Variants in DTNA observed in about 807,000 individuals in gnomAD.
The protein encoded by DTNA is dystrobrevin alpha.
DTNA carries 43 observed loss-of-function variants against 100.7 expected under a neutral mutation model. The ratio of observed to expected loss-of-function variants is 0.43; its 90% CI spans 0.33 to 0.55. The LOEUF (loss-of-function observed/expected upper bound fraction) is 0.55, where lower values mean the gene tolerates loss of function less well. Among genes scored for constraint, DTNA ranks in the 20% least tolerant of loss-of-function variants. DTNA has a pLI of 0.04. For missense variants in DTNA, 798 were observed against 953.9 expected (o/e 0.84, Z 2.15); for synonymous variants, 349 against 347.9 (o/e 1.00, Z -0.04).
intron 10 of DTNA, chr18:34,829,003 A>AC: frequency 6.2e-7 from 1 of 1,612,976 alleles, no homozygotes; most frequent in Non-Finnish European, 8.5e-7. Flanking sequence ...GCAGAGGTAG[A>AC]CCCCATCCTT....
intron 1 of DTNA, among the ~76,000 whole-genome samples, chr18:34,724,104 T>C (rs1415562503): frequency 6.6e-6 from 1 of 152,218 alleles, no homozygotes; most frequent in Non-Finnish European, 1.5e-5. Flanking sequence ...TCTCACACTT[T>C]ATTGGTGGTG....
At chr18:34,648,506 G>T (rs533747605) in intron 1 of DTNA, among the ~76,000 whole-genome samples, 1 of 152,274 alleles carries the variant, frequency 6.6e-6, no homozygotes, top group Non-Finnish European at 1.5e-5. Context: ...AATACATTTT[G>T]TAGATAAAGG....
At chr18:34,610,502 G>T (rs1485002929) in intron 1 of DTNA, among the ~76,000 whole-genome samples, 1 of 152,130 alleles carries the variant, frequency 6.6e-6, no homozygotes, top group Non-Finnish European at 1.5e-5. Flanking sequence ...GTGGTATATT[G>T]TCAACTTATC....
intron 1 of DTNA, among the ~76,000 whole-genome samples, chr18:34,618,833 C>T (rs2055867844): frequency 6.6e-6 from 1 of 152,100 alleles, no homozygotes; most frequent in Non-Finnish European, 1.5e-5. Context: ...GATCATCAGC[C>T]ATGTACCAAT....
At chr18:34,539,719 G>A (rs935588593) in intron 1 of DTNA, among the ~76,000 whole-genome samples, 1 of 151,700 alleles carries the variant, frequency 6.6e-6, no homozygotes, top group Admixed American at 6.6e-5. Flanking sequence ...TTTAGGGTAG[G>A]GTGTTTAAAG....
chr18:34,551,482 AT>A (rs200651196), intron 1 of DTNA, among the ~76,000 whole-genome samples: 2 of 151,278 alleles, frequency 1.3e-5, no homozygotes, highest in African/African-American at 2.4e-5. Context: ...TTTATTGGAT[AT>A]TTTTTTTTGT....
intron 3 of DTNA, among the ~76,000 whole-genome samples, chr18:34,767,934 C>A (rs887571055): frequency 1.8e-4 from 28 of 152,184 alleles, no homozygotes; most frequent in Non-Finnish European, 1.5e-4. Flanking sequence ...AAAAGCATTA[C>A]AGATGTTGAA....
intron 1 of DTNA, among the ~76,000 whole-genome samples, chr18:34,693,553 G>A (rs1244659270): frequency 6.6e-6 from 1 of 152,062 alleles, no homozygotes. Flanking sequence ...GAGATTCCTG[G>A]TCTAAGAAGA....
intron 3 of DTNA, among the ~76,000 whole-genome samples, chr18:34,767,970 C>T (rs2093576882): frequency 6.6e-6 from 1 of 152,156 alleles, no homozygotes; most frequent in African/African-American, 2.4e-5. Context: ...ATTTGTAGTC[C>T]TAATGAGTCA....
At chr18:34,555,011 C>A (rs1264721187) in intron 1 of DTNA, among the ~76,000 whole-genome samples, 16 of 125,984 alleles carry the variant, frequency 1.3e-4, no homozygotes, top group African/African-American at 4.5e-4. Context: ...GTCCTGGACT[C>A]TTTTTGGTTG....
chr18:34,884,440 C>T (rs2096902983), intron 21 of DTNA, among the ~76,000 whole-genome samples: 1 of 152,160 alleles, frequency 6.6e-6, no homozygotes, highest in African/African-American at 2.4e-5. Flanking sequence ...CCTTTCTTTT[C>T]CGTGCCTCAT....
intron 2 of DTNA, among the ~76,000 whole-genome samples, chr18:34,757,462 G>A (rs1465236716): frequency 1.3e-5 from 2 of 151,970 alleles, no homozygotes; most frequent in Non-Finnish European, 2.9e-5. Flanking sequence ...ATAAAATCTG[G>A]GGAAAAATAT....
intron 13 of DTNA, among the ~76,000 whole-genome samples, chr18:34,840,153 C>A (rs563182735): frequency 6.6e-6 from 1 of 152,084 alleles, no homozygotes; most frequent in African/African-American, 2.4e-5. Flanking sequence ...AAATGTATAA[C>A]CAGTACACTA....
intron 1 of DTNA, chr18:34,574,435 T>A: frequency 6.5e-6 from 1 of 153,344 alleles, no homozygotes; most frequent in East Asian, 1.9e-4. Flanking sequence ...CACAGAGGAG[T>A]GGAAGTGGGT....
intron 9 of DTNA, chr18:34,821,413 T>C: frequency 4.4e-6 from 2 of 456,238 alleles, no homozygotes; most frequent in African/African-American, 2.0e-5. Context: ...CAGGGGAAGG[T>C]TGAAGAGGGG....
intron 1 of DTNA, among the ~76,000 whole-genome samples, chr18:34,742,451 C>A (rs1443554546): frequency 2.0e-5 from 3 of 152,098 alleles, no homozygotes; most frequent in Admixed American, 1.3e-4. Flanking sequence ...CCTCCATCTT[C>A]GAATCCTCTC....
At chr18:34,502,523 G>A (rs552677832) in intron 1 of DTNA, among the ~76,000 whole-genome samples, 1 of 152,184 alleles carries the variant, frequency 6.6e-6, no homozygotes, top group East Asian at 1.9e-4. Flanking sequence ...CAGTTCTGCT[G>A]TCACTGTATC....
chr18:34,665,130 A>G (rs780612312), intron 1 of DTNA, among the ~76,000 whole-genome samples: 14 of 152,098 alleles, frequency 9.2e-5, no homozygotes, highest in Admixed American at 2.6e-4. Flanking sequence ...AAAGGGCAAG[A>G]CCTGAGCATT....
At chr18:34,812,490 C>A (rs1238092273) in intron 6 of DTNA, among the ~76,000 whole-genome samples, 1 of 152,196 alleles carries the variant, frequency 6.6e-6, no homozygotes, top group Non-Finnish European at 1.5e-5. Flanking sequence ...AGGAAACTTA[C>A]AATCCTGGTG....
Sources: allele counts gnomAD v4.1 joint callset (sites outside exome capture counted in the v4.1 genomes callset), GRCh38; gene constraint gnomAD v4.1.1; transcripts MANE v1.5; gene names NCBI Gene and HGNC (gene_info 2026-07-23, HGNC 2026-07-21).